Variants in CGN observed in about 807,000 individuals in gnomAD.
The protein encoded by CGN is cingulin.
A neutral mutation model predicts 157.1 loss-of-function variants in CGN; 121 were observed. The observed-to-expected ratio is 0.77, with a 90% confidence interval of 0.66 to 0.90. The LOEUF (loss-of-function observed/expected upper bound fraction) is 0.90. CGN is among the 40% of genes least tolerant of loss of function. The probability of loss-of-function intolerance (pLI) is 0.00; values close to 1 mark genes in which losing one functional copy is unlikely to be tolerated. For missense variants in CGN, 1,424 were observed against 1,520.9 expected (o/e 0.94, Z 1.06); for synonymous variants, 535 against 607.5 (o/e 0.88, Z 1.76).
Position 151,537,319 on chromosome 1 carries a change from G to A in CGN, c.3585G>A (p.Glu1195=). ...CGTCCATTGCATCACTGCTTACGGA[G>A]AGCAACCTACAGACCAGCTCCTGTT... ...DPSSIASLLT[E]SNLQTSSC The change falls in exon 21 of 21, where the codon GAG becomes GAA. Residue 1195 remains glutamate, a synonymous_variant. Coordinates refer to ENST00000271636, the MANE Select transcript of CGN (RefSeq NM_020770.3). 6.2e-7 allele frequency: 1 copy of A among 1,613,998 alleles called. No individual in the cohort carries two copies. The highest frequency in any genetic ancestry group is 8.5e-7 in the Non-Finnish European group (1 of 1,179,990).
chr1:151,524,422 C>T lies in CGN; in HGVS notation c.1401+64C>T. The T allele has an allele frequency of 3.1e-6, 5 of 1,598,274 alleles. No homozygotes were observed. The highest frequency in any genetic ancestry group is 4.3e-6 in the Non-Finnish European group (5 of 1,172,456). The stretch of plus-strand genomic sequence containing the variant: ...CTCAGTTGGAGCATCCTCAAGTCTG[C>T]TCATCCATGGTTTCCCCAAAGTATG... On this transcript the variant is annotated intron_variant, in intron 7 of 20. Coordinates refer to ENST00000271636, the MANE Select transcript of CGN (RefSeq NM_020770.3). This position sits in a 1 kb window ranked among gnomAD's most constrained non-coding sequence, Gnocchi z 4.4.
chr1:151,524,562 T>C lies in CGN; in HGVS notation c.1402-112T>C. ...TCATTCTGGGCTCCAGTACTGGTAC[T>C]AGAGCACCTGGTACTGTGCCTAATA... is the stretch of plus-strand genomic sequence containing the variant. On this transcript the variant is annotated intron_variant, in intron 7 of 20. Coordinates refer to ENST00000271636, the MANE Select transcript of CGN (RefSeq NM_020770.3). This position sits in a 1 kb window ranked among gnomAD's most constrained non-coding sequence, Gnocchi z 4.4. 8.6e-7 allele frequency: 1 copy of C among 1,166,652 alleles called. No homozygotes were observed. Among genetic ancestry groups the C allele is most frequent in the Non-Finnish European group, 1.2e-6 (1 of 817,232 alleles). The allele number at this position is 1,166,652 out of a possible 1,614,324, so 72.3% of individuals were successfully genotyped here. A position where few individuals can be genotyped will look rare whatever the true frequency, so the allele number is the denominator to read the frequency against.
intron 16 of CGN, 86 bp from the exon 17 acceptor site, chr1:151,535,514 C>T (rs1553247125): frequency 9.3e-7 from 1 of 1,073,300 alleles, no homozygotes; most frequent in Non-Finnish European, 1.4e-6. Flanking sequence ...AGAGACCATC[C>T]TCCCATGACT....
chr1:151,519,494 T>C (rs1664492540), intron 2 of CGN, 102 bp downstream of exon 2: 19 of 1,077,606 alleles, frequency 1.8e-5, no homozygotes, highest in Non-Finnish European at 2.5e-5. Context: ...TCAAATAGCC[T>C]AGGCAGAAAC....
intron 5 of CGN, among the ~76,000 whole-genome samples, chr1:151,522,963 G>A (rs1232865533): frequency 6.6e-6 from 1 of 151,848 alleles, no homozygotes; most frequent in African/African-American, 2.4e-5. Flanking sequence ...TAAAAACCCA[G>A]CTTAATCAAA....
At chr1:151,516,542 C>CT (rs11335459) in intron 1 of CGN, among the ~76,000 whole-genome samples, 74 of 127,582 alleles carry the variant, frequency 5.8e-4, no homozygotes, top group African/African-American at 1.7e-3. Context: ...TAAAGTGGCA[C>CT]TTTTTTTTTT....
chr1:151,528,570 C>T (rs186321132), intron 10 of CGN, among the ~76,000 whole-genome samples: 81 of 152,158 alleles, frequency 5.3e-4, no homozygotes, highest in African/African-American at 1.9e-3. Context: ...GCACACACCA[C>T]CACGCCCGGC....
Position 151,524,330 on chromosome 1 carries a change from C to T in CGN, c.1373C>T (p.Pro458Leu). The T allele has an allele frequency of 6.2e-7, 1 of 1,614,106 alleles. No individual in the cohort carries two copies. Among genetic ancestry groups the T allele is most frequent in the Non-Finnish European group, 8.5e-7 (1 of 1,180,004 alleles). Residue 458 changes from proline (P) to leucine (L), a missense_variant, in exon 7 of 21, where the codon CCT becomes CTT. Physicochemically the swap from Pro to Leu is moderately conservative, Grantham distance 98. Around this residue, in one of 3 missense-constraint regions of CGN, gnomAD observed 1,187 missense variants for 1,217.6 expected, o/e 0.97. Coordinates refer to ENST00000271636, the MANE Select transcript of CGN (RefSeq NM_020770.3). The surrounding 1 kb of genome is among the most constrained non-coding windows in gnomAD (Gnocchi z 4.4). ...AACAAGCTGAAACATGTCCAGGGTC[C>T]TGAGCCTGCTAAGGAGGTGTTACTG... ...LQNKLKHVQG[P>L]EPAKEVLLKD...
chr1:151,524,920 G>A lies in CGN; in HGVS notation c.1614+34G>A. 6.4e-7 allele frequency: 1 copy of A among 1,561,998 alleles called. No individual in the cohort carries two copies. Among genetic ancestry groups the A allele is most frequent in the Non-Finnish European group, 8.8e-7 (1 of 1,140,896 alleles). On this transcript the variant is annotated intron_variant, in intron 8 of 20. Coordinates refer to ENST00000271636, the MANE Select transcript of CGN (RefSeq NM_020770.3). This position sits in a 1 kb window ranked among gnomAD's most constrained non-coding sequence, Gnocchi z 4.4. ...CAAGAGCAGGGTCTGAGAGAGGAGGGCACTGCTGGAGAACAAGGCTGCCTT... is the reference window on the plus strand; with the variant it reads ...CAAGAGCAGGGTCTGAGAGAGGAGGACACTGCTGGAGAACAAGGCTGCCTT...
In CGN at chr1:151,530,645, G is replaced by A; in HGVS notation, c.2470G>A (p.Glu824Lys). The A allele has an allele frequency of 6.3e-7, 1 of 1,594,912 alleles. No homozygotes were observed. Among genetic ancestry groups the A allele is most frequent in the African/African-American group, 1.3e-5 (1 of 74,620 alleles). The change falls in exon 13 of 21, where the codon GAG (glutamate) becomes AAG (lysine). Residue 824 changes from glutamate to lysine, a missense_variant. Transcript: ENST00000271636. ...QEQQTLNRALEEEGKQREVLR... is the reference protein window; with the variant it reads ...QEQQTLNRALKEEGKQREVLR... ...GCAGCAGACACTGAACCGGGCCCTGGAGGAGGAAGGGAAGCAGCGGGAGGT... is the reference window on the plus strand; with the variant it reads ...GCAGCAGACACTGAACCGGGCCCTGAAGGAGGAAGGGAAGCAGCGGGAGGT...
intron 5 of CGN, among the ~76,000 whole-genome samples, chr1:151,522,592 C>T (rs1413068196): frequency 6.6e-6 from 1 of 151,560 alleles, no homozygotes; most frequent in Non-Finnish European, 1.5e-5. Flanking sequence ...CGCCACTGCA[C>T]TCCAGCTTGG....
intron 14 of CGN, 35 bp downstream of exon 14, chr1:151,532,607 T>G: frequency 1.7e-6 from 2 of 1,184,554 alleles, no homozygotes; most frequent in Non-Finnish European, 2.2e-6. Context: ...TGAAGGTCCT[T>G]GCCTCTTTTT....
rs538011899 is a variant in CGN, at chr1:151,524,637, A to T, written c.1402-37A>T. 24 of 1,525,482 alleles carry T rather than the reference A, an allele frequency of 1.6e-5. No individual in the cohort carries two copies. In the South Asian group the frequency reaches 2.6e-4, roughly 17 times the overall value. The allele number at this position is 1,525,482 out of a possible 1,614,324, so 94.5% of individuals were successfully genotyped here. On this transcript the variant is annotated intron_variant, in intron 7 of 20. Transcript: ENST00000271636. The surrounding 1 kb of genome is among the most constrained non-coding windows in gnomAD (Gnocchi z 4.4). ...AATTGATAAACAGATGGATTCTAAT[A>T]TGGTCACCCCTGTACTTCTTCCTTT...
In CGN at chr1:151,536,842, A is replaced by G. The variant is rs544908160; in HGVS notation, c.3419A>G (p.Glu1140Gly). The part of the protein sequence containing the change: ...KAQREVEEQH[E>G]VNEQLQARIK... ...CAGCGTGAGGTGGAGGAGCAGCATG[A>G]GGTCAATGAACAGCTCCAGGCCCGG... The change falls in exon 20 of 21, where the codon GAG (glutamate) becomes GGG (glycine). Residue 1140 changes from glutamate (E) to glycine (G), a missense_variant. Glu to Gly is a moderately conservative substitution (Grantham distance 98). Around this residue, in one of 3 missense-constraint regions of CGN, gnomAD observed 199 missense variants for 272.2 expected, o/e 0.73. Transcript: ENST00000271636. The G allele has an allele frequency of 1.2e-6, 2 of 1,614,156 alleles. No individual in the cohort carries two copies. Among genetic ancestry groups the G allele is most frequent in the African/African-American group, 2.7e-5 (2 of 75,038 alleles).
At chr1:151,522,106 C>T (rs996819798) in intron 5 of CGN, among the ~76,000 whole-genome samples, 1 of 149,166 alleles carries the variant, frequency 6.7e-6, no homozygotes, top group Non-Finnish European at 1.5e-5. Context: ...AGTGAGAACC[C>T]GCCTCTACAA....
intron 14 of CGN, among the ~76,000 whole-genome samples, chr1:151,533,247 G>C (rs989167279): frequency 6.6e-6 from 1 of 152,216 alleles, no homozygotes; most frequent in African/African-American, 2.4e-5. Flanking sequence ...GGAGGCTGAG[G>C]CGGGCAGATC....
chr1:151,530,663 C>CG lies in CGN; in HGVS notation c.2491dup (p.Glu831GlyfsTer9), dbSNP rs771300458. On this transcript the variant is annotated frameshift_variant, in exon 13 of 21. Transcript: ENST00000271636. LOFTEE classifies it high-confidence loss of function. Reference sequence around the variant, plus strand: ...GGCCCTGGAGGAGGAAGGGAAGCAGCGGGAGGTGCTCCGGCGAGGCAAGGC... The same window carrying CG: ...GGCCCTGGAGGAGGAAGGGAAGCAGCGGGGAGGTGCTCCGGCGAGGCAAGGC... 1 of 1,577,278 alleles carries CG rather than the reference C, an allele frequency of 6.3e-7. No individual in the cohort carries two copies. Among genetic ancestry groups the CG allele is most frequent in the East Asian group, 2.3e-5 (1 of 42,956 alleles).
chr1:151,518,854 C>T lies in CGN; in HGVS notation c.335C>T (p.Pro112Leu), dbSNP rs1420517852. 4.3e-6 allele frequency: 7 copies of T among 1,614,010 alleles called. No homozygotes were observed. The highest frequency in any genetic ancestry group is 5.9e-6 in the Non-Finnish European group (7 of 1,179,920). ...ENPYSQVKGF[P>L]APSQSSTSDE... is the part of the protein sequence containing the mutation. ...CCCTACTCTCAGGTCAAGGGATTTC[C>T]TGCCCCCTCGCAGAGCAGCACATCT... The change falls in exon 2 of 21, where the codon CCT (proline) becomes CTT (leucine). Residue 112 changes from proline (P) to leucine (L), a missense_variant. Pro to Leu is a moderately conservative substitution (Grantham distance 98, BLOSUM62 -3). Transcript: ENST00000271636.
At chr1:151,510,883 T>C (rs1444004238), upstream of CGN, 1 of 151,960 alleles carries the variant, frequency 6.6e-6, no homozygotes, top group African/African-American at 2.4e-5. Flanking sequence ...AAGATCAGGG[T>C]TCTGGTTCGG....
Sources: allele counts gnomAD v4.1 joint callset (sites outside exome capture counted in the v4.1 genomes callset), GRCh38; gene constraint gnomAD v4.1.1; regional missense constraint gnomAD v4.1.1; non-coding constraint Gnocchi (gnomAD v3.1); transcripts MANE v1.5; gene names NCBI Gene and HGNC (gene_info 2026-07-23, HGNC 2026-07-21).